RBFOX1: variants seen among roughly 807,000 people sequenced by gnomAD.
RBFOX1 encodes RNA binding protein fox-1 homolog 1.
Under a neutral mutation model 57.7 loss-of-function variants are expected in RBFOX1, and 8 were observed. That is an observed-to-expected ratio of 0.14 (90% CI 0.08 to 0.25). The LOEUF is 0.25. Among genes scored for constraint, RBFOX1 ranks in the 10% least tolerant of loss-of-function variants. RBFOX1 has a pLI of 1.00. For synonymous variants in RBFOX1, 326 were observed against 222.4 expected (o/e 1.47, Z -4.15); for missense variants, 611 against 548.5 (o/e 1.11, Z -1.14).
At chr16:5,818,617 G>A (rs1122305) in intron 3 of RBFOX1, among the ~76,000 whole-genome samples, 55,199 of 152,072 alleles carry the variant, frequency 0.36, 11,686 homozygotes, top group East Asian at 0.6. Context: ...TAGTTTTGAC[G>A]AGAAATTAGA....
chr16:5,707,084 A>G (rs1043600639), intron 3 of RBFOX1, among the ~76,000 whole-genome samples: 1 of 152,032 alleles, frequency 6.6e-6, no homozygotes, highest in Non-Finnish European at 1.5e-5. Context: ...CACATGAGAA[A>G]CACCCAGCCA....
chr16:7,671,464 A>C, intron 13 of RBFOX1: 1 of 1,236,042 alleles, frequency 8.1e-7, no homozygotes, highest in Non-Finnish European at 1.2e-6. Context: ...GCAAACTTGT[A>C]AATGAATTGC....
At chr16:7,677,832 C>T (rs751698765) in intron 14 of RBFOX1, among the ~76,000 whole-genome samples, 1 of 152,208 alleles carries the variant, frequency 6.6e-6, no homozygotes, top group South Asian at 2.1e-4. Context: ...GGTAAGCAGG[C>T]GATGTATTTG....
Position 7,234,756 on chromosome 16 carries a change from A to T in RBFOX1, c.27+182658A>T, listed in dbSNP as rs917575915. ...CTTGTAAATACCCTGTGCTGAACGG[A>T]GAAGTCAGAAATGGGTAATAGACTA... On this transcript the variant is annotated intron_variant, in intron 4 of 15. Coordinates refer to ENST00000550418, the MANE Select transcript of RBFOX1 (RefSeq NM_018723.4). Among the ~76,000 whole-genome samples the T allele has an allele frequency of 2.0e-4, 31 of 151,608 alleles. 1 individual carries two copies. The highest frequency in any genetic ancestry group is 6.5e-4 in the African/African-American group (27 of 41,316).
At chr16:5,292,480 G>T (rs1157853652) in intron 1 of RBFOX1, among the ~76,000 whole-genome samples, 6 of 152,118 alleles carry the variant, frequency 3.9e-5, no homozygotes, top group Non-Finnish European at 8.8e-5. Flanking sequence ...TCCAGTCTGG[G>T]CTGTGATTTG....
chr16:5,278,728 C>T (rs1411072078), intron 1 of RBFOX1, among the ~76,000 whole-genome samples: 1 of 152,090 alleles, frequency 6.6e-6, no homozygotes. Flanking sequence ...GTGGCTGTTA[C>T]GTTTAAGTCT....
chr16:7,683,452 A>ATATGTAATTGAATCAGTT (rs1204776528), intron 14 of RBFOX1, among the ~76,000 whole-genome samples: 2 of 152,134 alleles, frequency 1.3e-5, no homozygotes, highest in African/African-American at 4.8e-5. Context: ...TATTGGATGA[A>ATATGTAATTGAATCAGTT]TATGTAATTG....
chr16:5,961,928 C>A (rs933102750), intron 4 of RBFOX1, among the ~76,000 whole-genome samples: 8 of 152,176 alleles, frequency 5.3e-5, no homozygotes, highest in African/African-American at 1.9e-4. Context: ...TTATCTTTCT[C>A]TAATGTAAAA....
intron 1 of RBFOX1, among the ~76,000 whole-genome samples, chr16:5,329,762 G>A (rs1025548773): frequency 5.3e-5 from 8 of 152,194 alleles, no homozygotes; most frequent in Non-Finnish European, 1.2e-4. Flanking sequence ...CACTTTGGGA[G>A]GCTGAGGCGG....
intron 3 of RBFOX1, among the ~76,000 whole-genome samples, chr16:6,973,797 C>T (rs1176460633): frequency 6.6e-6 from 1 of 151,878 alleles, no homozygotes; most frequent in African/African-American, 2.4e-5. Flanking sequence ...TTTTTAAGTT[C>T]CAGGGTACAT....
chr16:6,471,399 A>G (rs1193439695), intron 2 of RBFOX1, among the ~76,000 whole-genome samples: 2 of 152,120 alleles, frequency 1.3e-5, no homozygotes, highest in Admixed American at 6.5e-5. Flanking sequence ...ACTAGTTTCT[A>G]TTATAATACT....
At chr16:6,256,177 A>ATATGTATATATATGTATAT (rs1555582278) in intron 1 of RBFOX1, among the ~76,000 whole-genome samples, 1 of 19,464 alleles carries the variant, frequency 5.1e-5, no homozygotes, top group Admixed American at 7.3e-4. Context: ...ATATGTATAT[A>ATATGTATATATATGTATAT]TATATATACG....
chr16:5,435,732 C>G (rs532277307), intron 1 of RBFOX1, among the ~76,000 whole-genome samples: 7 of 152,322 alleles, frequency 4.6e-5, no homozygotes, highest in South Asian at 2.1e-4. Flanking sequence ...GTCTCTTTCT[C>G]TGGTCAGAGC....
intron 3 of RBFOX1, among the ~76,000 whole-genome samples, chr16:5,663,304 G>T (rs1596645721): frequency 6.6e-6 from 1 of 152,016 alleles, no homozygotes; most frequent in Admixed American, 6.6e-5. Context: ...TCAACCTCCT[G>T]GGTTCAAGAG....
intron 2 of RBFOX1, among the ~76,000 whole-genome samples, chr16:5,592,761 G>A (rs943732457): frequency 3.3e-5 from 5 of 152,196 alleles, no homozygotes; most frequent in African/African-American, 1.2e-4. Context: ...TCATCCAACA[G>A]CCATGATCTG....
At chr16:5,490,074 C>T (rs1193293126) in intron 2 of RBFOX1, among the ~76,000 whole-genome samples, 1 of 152,242 alleles carries the variant, frequency 6.6e-6, no homozygotes, top group African/African-American at 2.4e-5. Flanking sequence ...TGGTCTGAAC[C>T]TGTCCTCAGC....
At chr16:6,299,752 C>G (rs2078586196) in intron 1 of RBFOX1, among the ~76,000 whole-genome samples, 1 of 152,138 alleles carries the variant, frequency 6.6e-6, no homozygotes, top group African/African-American at 2.4e-5. Flanking sequence ...TCTGCTGGGT[C>G]TCAGTTAAAG....
chr16:6,297,977 G>C (rs1005397904), intron 1 of RBFOX1, among the ~76,000 whole-genome samples: 8 of 152,224 alleles, frequency 5.3e-5, no homozygotes, highest in Non-Finnish European at 1.0e-4. Flanking sequence ...GTGTGACCCA[G>C]TTCTTTCGGG....
At chr16:5,464,031 G>A (rs556937148) in intron 1 of RBFOX1, among the ~76,000 whole-genome samples, 2 of 152,284 alleles carry the variant, frequency 1.3e-5, no homozygotes, top group South Asian at 4.2e-4. Flanking sequence ...CAATAGCCCC[G>A]TGATGGACCA....
Sources: allele counts gnomAD v4.1 joint callset (sites outside exome capture counted in the v4.1 genomes callset), GRCh38; gene constraint gnomAD v4.1.1; transcripts MANE v1.5; gene names NCBI Gene and HGNC (gene_info 2026-07-23, HGNC 2026-07-21).